The following LHPP variants were observed in gnomAD, a reference collection of about 807,000 sequenced individuals.
LHPP encodes phospholysine phosphohistidine inorganic pyrophosphate phosphatase, also known as hLHPP.
Under a neutral mutation model 30.3 loss-of-function variants are expected in LHPP, and 24 were observed. The ratio of observed to expected loss-of-function variants is 0.79; its 90% CI spans 0.57 to 1.11. The LOEUF (loss-of-function observed/expected upper bound fraction) is 1.11. Among genes scored for constraint, LHPP ranks in the 50% most tolerant of loss-of-function variants. The probability of loss-of-function intolerance (pLI) is 0.00; values close to 1 mark genes in which losing one functional copy is unlikely to be tolerated. For synonymous variants in LHPP, 150 were observed against 157.1 expected (o/e 0.95, Z 0.34); for missense variants, 356 against 367.2 (o/e 0.97, Z 0.25).
chr10:124,475,294 C>G (rs1313194318), intron 1 of LHPP, among the ~76,000 whole-genome samples: 1 of 151,796 alleles, frequency 6.6e-6, no homozygotes, highest in African/African-American at 2.4e-5. Context: ...CTTGGCCTCC[C>G]AAAGTGCTGG....
intron 5 of LHPP, among the ~76,000 whole-genome samples, chr10:124,515,845 T>C (rs959881908): frequency 6.6e-6 from 1 of 152,174 alleles, no homozygotes; most frequent in Non-Finnish European, 1.5e-5. Flanking sequence ...TTTTCCCTAG[T>C]TATTTGGTGT....
intron 2 of LHPP, among the ~76,000 whole-genome samples, chr10:124,484,538 A>G (rs188032582): frequency 1.3e-5 from 2 of 151,520 alleles, no homozygotes; most frequent in African/African-American, 4.8e-5. Context: ...GCCTCACACC[A>G]GAGGGTCCTT....
intron 5 of LHPP, among the ~76,000 whole-genome samples, chr10:124,513,589 C>T (rs976853031): frequency 5.3e-5 from 8 of 149,952 alleles, no homozygotes; most frequent in Non-Finnish European, 8.9e-5. Context: ...CTCAGCCTCC[C>T]GAGTATCTGG....
chr10:124,521,850 C>T (rs1445868890), intron 6 of LHPP, among the ~76,000 whole-genome samples: 6 of 152,040 alleles, frequency 3.9e-5, no homozygotes, highest in East Asian at 1.9e-4. Context: ...AGCACGCACA[C>T]GTGCACGCAC....
At chr10:124,469,296 G>C (rs1230124295) in intron 1 of LHPP, among the ~76,000 whole-genome samples, 1 of 152,092 alleles carries the variant, frequency 6.6e-6, no homozygotes, top group Admixed American at 6.6e-5. Flanking sequence ...CTGAGCCTGC[G>C]AGGGGCGACA....
chr10:124,560,471 G>A (rs1948378549), intron 6 of LHPP, among the ~76,000 whole-genome samples: 1 of 152,234 alleles, frequency 6.6e-6, no homozygotes. Flanking sequence ...CCAGATTGCT[G>A]AGTCTTAGCT....
Position 124,478,183 on chromosome 10 carries a change from G to A in LHPP, c.126-5956G>A, listed in dbSNP as rs528116389. On this transcript the variant is annotated intron_variant, in intron 1 of 6. Coordinates refer to ENST00000368842, the MANE Select transcript of LHPP (RefSeq NM_022126.4). This position sits in a 1 kb window ranked among gnomAD's most constrained non-coding sequence, Gnocchi z 4.7. Reference sequence around the variant, plus strand: ...CAGGACCAGAGCAGCACCAAGGGCTGTGTGGGCGCAGCTCGGAGGATGGGA... The same window carrying A: ...CAGGACCAGAGCAGCACCAAGGGCTATGTGGGCGCAGCTCGGAGGATGGGA... Among the ~76,000 whole-genome samples the A allele has an allele frequency of 6.6e-6, 1 of 152,340 alleles. No homozygotes were observed. The highest frequency in any genetic ancestry group is 2.1e-4 in the South Asian group (1 of 4,830).
chr10:124,567,135 C>T (rs1157459878), intron 6 of LHPP, among the ~76,000 whole-genome samples: 2 of 152,236 alleles, frequency 1.3e-5, no homozygotes. Flanking sequence ...GGGCTCTTGC[C>T]CTTGCAGCCC....
intron 3 of LHPP, among the ~76,000 whole-genome samples, chr10:124,492,094 A>G (rs902789930): frequency 6.6e-6 from 1 of 152,208 alleles, no homozygotes; most frequent in Admixed American, 6.5e-5. Context: ...CACTGCCTCC[A>G]TTAGTTTGAA....
chr10:124,463,565 A>G (rs1952466945), intron 1 of LHPP, among the ~76,000 whole-genome samples: 1 of 151,608 alleles, frequency 6.6e-6, no homozygotes, highest in Non-Finnish European at 1.5e-5. Flanking sequence ...GTTTCACCAT[A>G]CTGGCTAGGC....
chr10:124,461,873 G>A lies in LHPP; in HGVS notation c.11G>A (p.Trp4Ter), dbSNP rs1439507797. 2 of 1,256,490 alleles carry A rather than the reference G, an allele frequency of 1.6e-6. 1 individual carries two copies. Among genetic ancestry groups the A allele is most frequent in the Middle Eastern group, 6.1e-4 (2 of 3,284 alleles). 77.8% of individuals were successfully genotyped at this position (1,256,490 alleles called of 1,614,324 possible). A position where few individuals can be genotyped will look rare whatever the true frequency, so the allele number is the denominator to read the frequency against. MAP[W>*]GKRLAGVRGV... ...GCAGGGCCGGGCGCCATGGCACCGT[G>A]GGGCAAGCGGCTGGCTGGCGTGCGC... Residue 4 changes from tryptophan to a stop codon, truncating the protein, a stop_gained, in exon 1 of 7, where the codon TGG becomes TAG. Transcript: ENST00000368842. LOFTEE classifies it high-confidence loss of function.
At chr10:124,469,523 C>T (rs1952666873) in intron 1 of LHPP, among the ~76,000 whole-genome samples, 1 of 151,994 alleles carries the variant, frequency 6.6e-6, no homozygotes, top group South Asian at 2.1e-4. Context: ...GGGGGGCTTC[C>T]TCTTTTCAAA....
intron 4 of LHPP, 121 bp downstream of exon 4, chr10:124,497,145 A>C: frequency 1.3e-6 from 1 of 762,966 alleles, no homozygotes; most frequent in Non-Finnish European, 2.2e-6. Flanking sequence ...GGGCTTCCAC[A>C]AAGGCTGCCT....
At chr10:124,504,439 C>CA (rs36071785) in intron 5 of LHPP, among the ~76,000 whole-genome samples, 37,493 of 128,734 alleles carry the variant, frequency 0.29, 5,863 homozygotes, top group Admixed American at 0.34. Context: ...AGAAAAAATG[C>CA]AAAAAAAAAA....
intron 3 of LHPP, among the ~76,000 whole-genome samples, chr10:124,493,120 G>GA (rs11447660): frequency 0.82 from 121,448 of 148,664 alleles, 49,799 homozygotes; most frequent in East Asian, 0.91. Context: ...TGTTGAAAAA[G>GA]AAAAAAAAAA....
intron 6 of LHPP, among the ~76,000 whole-genome samples, chr10:124,591,068 G>A (rs867291628): frequency 2.6e-5 from 4 of 152,138 alleles, no homozygotes; most frequent in East Asian, 1.9e-4. Flanking sequence ...AGGGGGTAGC[G>A]TGTGCAGGAA....
rs7897335 is a variant in LHPP, at chr10:124,541,029, C to T, written c.716+23758C>T. On this transcript the variant is annotated intron_variant, in intron 6 of 6. Transcript: ENST00000368842. The surrounding 1 kb of genome is among the most constrained non-coding windows in gnomAD (Gnocchi z 4.2). ...CTTTAGAAATAATAATTCAAAAATC[C>T]ATTAAATTATTTAACAGCTTTTTTA... Among the ~76,000 whole-genome samples, 100,835 of 152,130 alleles carry T rather than the reference C, an allele frequency of 0.66. 33,872 individuals carry two copies. Among genetic ancestry groups the T allele is most frequent in the East Asian group, 0.86 (4,466 of 5,174 alleles).
rs1361920260 is a variant in LHPP, at chr10:124,461,862, C to T, written c.-1C>T. 3 of 1,250,432 alleles carry T rather than the reference C, an allele frequency of 2.4e-6. No individual in the cohort carries two copies. Among genetic ancestry groups the T allele is most frequent in the Non-Finnish European group, 3.0e-6 (3 of 994,246 alleles). 77.5% of individuals were successfully genotyped at this position (1,250,432 alleles called of 1,614,324 possible). A position where few individuals can be genotyped will look rare whatever the true frequency, so the allele number is the denominator to read the frequency against. ...GGAGCTGAGGAGCAGGGCCGGGCGC[C>T]ATGGCACCGTGGGGCAAGCGGCTGG... On this transcript the variant is annotated 5_prime_UTR_variant, in exon 1 of 7. Transcript: ENST00000368842.
intron 6 of LHPP, among the ~76,000 whole-genome samples, chr10:124,553,429 G>C (rs551892064): frequency 1.1e-4 from 16 of 150,728 alleles, no homozygotes; most frequent in Non-Finnish European, 4.4e-5. Flanking sequence ...CGGCACCATA[G>C]GGCCAGGATT....
Sources: gnomAD v4.1 joint callset for allele counts (sites outside exome capture counted in the v4.1 genomes callset) on GRCh38, gnomAD v4.1.1 for gene constraint, Gnocchi (gnomAD v3.1) non-coding constraint, MANE v1.5 for transcripts, NCBI Gene and HGNC (gene_info 2026-07-23, HGNC 2026-07-21) for gene names.